Variants in L3MBTL3 observed in about 807,000 individuals in gnomAD.
The protein encoded by L3MBTL3 is lethal(3)malignant brain tumor-like protein 3.
L3MBTL3 carries 27 observed loss-of-function variants against 102.3 expected under a neutral mutation model. That is an observed-to-expected ratio of 0.26 (90% confidence interval 0.19 to 0.36). The LOEUF is 0.36. Among genes scored for constraint, L3MBTL3 ranks in the 10% least tolerant of loss-of-function variants. L3MBTL3 has a pLI of 1.00. For missense variants in L3MBTL3, 798 were observed against 955.3 expected (o/e 0.84, Z 2.17); for synonymous variants, 340 against 320.9 (o/e 1.06, Z -0.64).
intron 3 of L3MBTL3, among the ~76,000 whole-genome samples, chr6:130,047,595 T>G (rs1780809054): frequency 6.6e-6 from 1 of 152,238 alleles, no homozygotes; most frequent in Non-Finnish European, 1.5e-5. Flanking sequence ...CAAATAAGCA[T>G]AAATTAACAT....
At chr6:130,038,027 T>C (rs937313314) in intron 2 of L3MBTL3, among the ~76,000 whole-genome samples, 14 of 152,106 alleles carry the variant, frequency 9.2e-5, no homozygotes, top group African/African-American at 3.1e-4. Context: ...ACATGTGATA[T>C]TTGTCTTTCT....
At chr6:130,080,026 G>A (rs982037923) in intron 14 of L3MBTL3, among the ~76,000 whole-genome samples, 5 of 152,056 alleles carry the variant, frequency 3.3e-5, no homozygotes, top group Admixed American at 1.3e-4. Flanking sequence ...AGGCTGAGGC[G>A]GGAGGATCAC....
At position 130,070,976 on chromosome 6, in the gene L3MBTL3, A is replaced by G. The variant is rs1782603382; in HGVS notation, c.1093A>G (p.Thr365Ala). 5 of 1,612,538 alleles carry G rather than the reference A, an allele frequency of 3.1e-6. No homozygotes were observed. The East Asian group carries it at 1.1e-4, about 36-fold the overall frequency. Residue 365 changes from threonine (T) to alanine (A), a missense_variant and splice_region_variant, in exon 13 of 23, where the codon ACA becomes GCA. Physicochemically the swap from Thr to Ala is moderately conservative, Grantham distance 58. Around this residue, in one of 4 missense-constraint regions of L3MBTL3, gnomAD observed 434 missense variants for 506.6 expected, o/e 0.86. Transcript: ENST00000361794. ...PKSLFENQNI[T>A]VIPSGFRVGM... ...TAATTAAATCTGTGTGTTTCCATAG[A>G]CAGTGATCCCATCGGGCTTTCGAGT...
At chr6:130,078,165 A>G (rs1449206070) in intron 13 of L3MBTL3, among the ~76,000 whole-genome samples, 2 of 152,120 alleles carry the variant, frequency 1.3e-5, no homozygotes, top group Non-Finnish European at 2.9e-5. Flanking sequence ...GCCTTTGTAC[A>G]TTTGCCCTTA....
intron 9 of L3MBTL3, 50 bp from the exon 10 acceptor site, chr6:130,059,983 TTAA>T: frequency 2.1e-6 from 2 of 965,286 alleles, no homozygotes; most frequent in Non-Finnish European, 3.3e-6. Flanking sequence ...ATTTACATCT[TTAA>T]ATAGGGCTTT....
At position 130,140,446 on chromosome 6, in the gene L3MBTL3, T is replaced by C. The variant is rs1014032317; in HGVS notation, c.*693T>C. 13 of 152,590 alleles carry C rather than the reference T, an allele frequency of 8.5e-5. No individual in the cohort carries two copies. The highest frequency in any genetic ancestry group is 3.1e-4 in the African/African-American group (13 of 41,428). The allele number at this position is 152,590 out of a possible 1,614,324, so 9.5% of individuals were successfully genotyped here. On this transcript the variant is annotated 3_prime_UTR_variant, in exon 23 of 23. Transcript: ENST00000361794. ...ACTATAATTACCAAAAACATGTATA[T>C]AAAAGAATGAAATTGAAAAATAAAA...
At chr6:130,019,455 G>C (rs1445164019) in intron 1 of L3MBTL3, 1 of 151,674 alleles carries the variant, frequency 6.6e-6, no homozygotes, top group Non-Finnish European at 1.5e-5. Flanking sequence ...GCGAGCGCGA[G>C]AAGTACAAGT....
At chr6:130,054,242 G>T (rs973435810) in intron 7 of L3MBTL3, among the ~76,000 whole-genome samples, 1 of 152,346 alleles carries the variant, frequency 6.6e-6, no homozygotes, top group Admixed American at 6.5e-5. Flanking sequence ...GTTTAGGAGA[G>T]GGTGGAGTAA....
At chr6:130,023,638 A>G (rs543182399) in intron 2 of L3MBTL3, among the ~76,000 whole-genome samples, 1 of 152,336 alleles carries the variant, frequency 6.6e-6, no homozygotes, top group African/African-American at 2.4e-5. Flanking sequence ...GGGAACAGCA[A>G]TACTTGCCTT....
Position 130,140,659 on chromosome 6 carries a change from T to C in L3MBTL3, c.*906T>C, listed in dbSNP as rs188913702. 5 of 152,336 alleles carry C rather than the reference T, an allele frequency of 3.3e-5. No individual in the cohort carries two copies. The highest frequency in any genetic ancestry group is 1.2e-4 in the African/African-American group (5 of 41,558). The allele number at this position is 152,336 out of a possible 1,614,324, so 9.4% of individuals were successfully genotyped here. A position where few individuals can be genotyped will look rare whatever the true frequency, so the allele number is the denominator to read the frequency against. The stretch of plus-strand genomic sequence containing the variant: ...GATGATCTTGAGCTTCTAATTTTCA[T>C]TGATGAAATTGTGGTGGTTTACAGA... On this transcript the variant is annotated 3_prime_UTR_variant, in exon 23 of 23. Transcript: ENST00000361794.
chr6:130,070,037 A>G (rs1269222489), intron 12 of L3MBTL3, among the ~76,000 whole-genome samples: 40 of 152,206 alleles, frequency 2.6e-4, no homozygotes, highest in Admixed American at 2.6e-3. Context: ...GAGAGATAGC[A>G]TTTATTTTGC....
At chr6:130,122,885 A>T (rs773866455) in intron 20 of L3MBTL3, among the ~76,000 whole-genome samples, 5 of 152,104 alleles carry the variant, frequency 3.3e-5, no homozygotes, top group Non-Finnish European at 7.3e-5. Flanking sequence ...ATATCATTGG[A>T]TTATTGTGAG....
At chr6:130,117,836 A>G (rs1785823325) in intron 19 of L3MBTL3, among the ~76,000 whole-genome samples, 2 of 144,486 alleles carry the variant, frequency 1.4e-5, no homozygotes, top group Non-Finnish European at 3.0e-5. Context: ...AGTAGCTGGG[A>G]CTACAGGCGC....
intron 22 of L3MBTL3, among the ~76,000 whole-genome samples, chr6:130,134,137 T>TAAC (rs1336907683): frequency 1.3e-5 from 2 of 152,174 alleles, no homozygotes; most frequent in Non-Finnish European, 2.9e-5. Context: ...CCCACAGCAG[T>TAAC]AACACTAGGC....
intron 20 of L3MBTL3, among the ~76,000 whole-genome samples, 177 bp downstream of exon 20, chr6:130,121,135 T>A (rs1318528473): frequency 6.6e-6 from 1 of 152,186 alleles, no homozygotes; most frequent in Non-Finnish European, 1.5e-5. Flanking sequence ...GGTAAACTCG[T>A]GTCATGAGGG....
intron 2 of L3MBTL3, among the ~76,000 whole-genome samples, chr6:130,022,694 TGGG>T (rs1779088921): frequency 6.6e-6 from 1 of 152,298 alleles, no homozygotes; most frequent in African/African-American, 2.4e-5. Flanking sequence ...CTAAATGTCT[TGGG>T]GGGCCAGTGG....
At chr6:130,092,969 T>C in intron 17 of L3MBTL3, 110 bp downstream of exon 17, 1 of 652,128 alleles carries the variant, frequency 1.5e-6, no homozygotes, top group Non-Finnish European at 2.7e-6. Flanking sequence ...TGATGTTTCT[T>C]CTCTATGTAA....
At chr6:130,114,264 G>A (rs1262327705) in intron 19 of L3MBTL3, among the ~76,000 whole-genome samples, 1 of 152,158 alleles carries the variant, frequency 6.6e-6, no homozygotes, top group East Asian at 1.9e-4. Flanking sequence ...AAAGTGCAGG[G>A]ATAAGATGAC....
chr6:130,077,118 T>TTA (rs763350393), intron 13 of L3MBTL3, among the ~76,000 whole-genome samples: 12 of 151,912 alleles, frequency 7.9e-5, no homozygotes, highest in Non-Finnish European at 1.5e-4. Flanking sequence ...AAATTAAATA[T>TTA]TATATATATG....
Sources: gnomAD v4.1 joint callset for allele counts (sites outside exome capture counted in the v4.1 genomes callset) on GRCh38, gnomAD v4.1.1 for gene constraint, gnomAD v4.1.1 regional missense constraint, MANE v1.5 for transcripts, NCBI Gene and HGNC (gene_info 2026-07-23, HGNC 2026-07-21) for gene names.